PIP5K1B: variants seen among roughly 807,000 people sequenced by gnomAD.
PIP5K1B encodes the protein phosphatidylinositol 4-phosphate 5-kinase type-1 beta.
PIP5K1B carries 42 observed loss-of-function variants against 67.0 expected under a neutral mutation model. The ratio of observed to expected loss-of-function variants is 0.63; its 90% confidence interval spans 0.49 to 0.81. The LOEUF is 0.81. Among genes scored for constraint, PIP5K1B ranks in the 30% least tolerant of loss-of-function variants. The pLI, the probability that PIP5K1B is intolerant of heterozygous loss-of-function variation, is 0.00. For missense variants in PIP5K1B, 459 were observed against 646.3 expected (o/e 0.71, Z 3.14); for synonymous variants, 214 against 231.4 (o/e 0.92, Z 0.68).
At chr9:68,784,185 AT>A (rs1304422828) in intron 2 of PIP5K1B, 4 of 167,096 alleles carry the variant, frequency 2.4e-5, no homozygotes, top group African/African-American at 9.7e-5. Context: ...CATAACGTCC[AT>A]CATTATTCTG....
chr9:69,007,420 G>A (rs185664759), intron 15 of PIP5K1B, among the ~76,000 whole-genome samples: 21 of 152,162 alleles, frequency 1.4e-4, no homozygotes, highest in Admixed American at 9.2e-4. Flanking sequence ...TGTGTATATC[G>A]TGTGTGTGTA....
At chr9:68,846,961 G>A (rs7037674) in intron 4 of PIP5K1B, among the ~76,000 whole-genome samples, 11,890 of 152,186 alleles carry the variant, frequency 0.078, 1,026 homozygotes, top group African/African-American at 0.21. Flanking sequence ...GAAAAAAACT[G>A]CAGGACCAAA....
At chr9:68,860,204 C>T (rs1235857932) in intron 4 of PIP5K1B, among the ~76,000 whole-genome samples, 1 of 152,094 alleles carries the variant, frequency 6.6e-6, no homozygotes, top group African/African-American at 2.4e-5. Context: ...GCCCCCAGCC[C>T]CCAACCAGCC....
intron 13 of PIP5K1B, among the ~76,000 whole-genome samples, chr9:68,939,795 G>A (rs977159747): frequency 1.3e-5 from 2 of 152,132 alleles, no homozygotes; most frequent in Non-Finnish European, 2.9e-5. Flanking sequence ...GTTAGGGTCG[G>A]TTTATATTTA....
rs201517701 is a variant in PIP5K1B, at chr9:68,992,839, C to CAAAAAAAA, written c.1620+1607_1620+1614dup. Among the ~76,000 whole-genome samples the CAAAAAAAA allele has an allele frequency of 5.2e-4, 30 of 57,578 alleles. 3 individuals carry two copies. The highest frequency in any genetic ancestry group is 1.3e-3 in the South Asian group (2 of 1,576). The allele number at this position is 57,578 out of a possible 152,430, so 37.8% of individuals were successfully genotyped here. On this transcript the variant is annotated intron_variant, in intron 15 of 15. Coordinates refer to ENST00000265382, the MANE Select transcript of PIP5K1B (RefSeq NM_003558.4). Reference sequence around the variant, plus strand: ...TAGGCAACAGAGCATGACCCTGTCTCAAAAAAAAAAAAAAAAAAAAAAAAA... The same window carrying CAAAAAAAA: ...TAGGCAACAGAGCATGACCCTGTCTCAAAAAAAAAAAAAAAAAAAAAAAAAAAAAAAAA...
chr9:68,875,326 A>AAAAAAAAAAAT (rs1823833916), intron 5 of PIP5K1B, among the ~76,000 whole-genome samples: 1 of 116,390 alleles, frequency 8.6e-6, no homozygotes, highest in African/African-American at 3.2e-5. Context: ...AAAAAAAAAA[A>AAAAAAAAAAAT]CAGTCATCTG....
At chr9:68,982,224 C>G (rs1004473216) in intron 14 of PIP5K1B, among the ~76,000 whole-genome samples, 1 of 152,188 alleles carries the variant, frequency 6.6e-6, no homozygotes, top group African/African-American at 2.4e-5. Flanking sequence ...ACTAGATTTT[C>G]AGGATATTCC....
Position 68,817,758 on chromosome 9 carries a change from G to A in PIP5K1B, c.-85-703G>A, listed in dbSNP as rs184201007. On this transcript the variant is annotated intron_variant, in intron 2 of 15. Transcript: ENST00000265382. ...TTTTTAAGAGACAGAGTCTCACTAT[G>A]TTGCCCAGGCTGGTCTCAAATTCCT... is the stretch of plus-strand genomic sequence containing the variant. 9.8e-4 allele frequency among the ~76,000 whole-genome samples: 113 copies of A among 115,026 alleles called. 1 individual carries two copies. The highest frequency in any genetic ancestry group is 7.9e-4 in the Non-Finnish European group (47 of 59,872). The allele number at this position is 115,026 out of a possible 152,430, so 75.5% of individuals were successfully genotyped here. A position where few individuals can be genotyped will look rare whatever the true frequency, so the allele number is the denominator to read the frequency against.
At chr9:68,963,628 G>T (rs1407268744) in intron 14 of PIP5K1B, among the ~76,000 whole-genome samples, 1 of 152,142 alleles carries the variant, frequency 6.6e-6, no homozygotes, top group Admixed American at 6.5e-5. Context: ...CACGTTTGAT[G>T]TCCCTGCCAA....
At chr9:68,786,471 A>T (rs1035381295) in intron 2 of PIP5K1B, among the ~76,000 whole-genome samples, 4 of 122,618 alleles carry the variant, frequency 3.3e-5, no homozygotes, top group Non-Finnish European at 6.7e-5. Flanking sequence ...TTTTATTATT[A>T]TTATTATAAA....
intron 4 of PIP5K1B, among the ~76,000 whole-genome samples, chr9:68,840,700 C>T (rs1472655932): frequency 1.3e-5 from 2 of 152,206 alleles, no homozygotes; most frequent in Admixed American, 1.3e-4. Flanking sequence ...TCCTTTGCCT[C>T]TTCTTTTTTT....
intron 1 of PIP5K1B, among the ~76,000 whole-genome samples, chr9:68,706,570 G>A (rs1034700927): frequency 6.6e-6 from 1 of 152,162 alleles, no homozygotes; most frequent in East Asian, 1.9e-4. Flanking sequence ...CGAATCTACT[G>A]AAATCAGGGC....
chr9:68,943,875 A>G (rs896479540), intron 14 of PIP5K1B, among the ~76,000 whole-genome samples: 1 of 152,230 alleles, frequency 6.6e-6, no homozygotes, highest in Non-Finnish European at 1.5e-5. Context: ...TAAGTTGGCA[A>G]GGTATTGATT....
intron 15 of PIP5K1B, among the ~76,000 whole-genome samples, chr9:69,001,337 C>G (rs547625202): frequency 2.1e-3 from 321 of 152,184 alleles, no homozygotes; most frequent in African/African-American, 7.3e-3. Flanking sequence ...GAAACCAGTA[C>G]CATATTCCTC....
At chr9:68,780,017 G>A in intron 2 of PIP5K1B, 1 of 1,073,114 alleles carries the variant, frequency 9.3e-7, no homozygotes, top group Non-Finnish European at 1.2e-6. Context: ...GACATCGCGA[G>A]CGCCTGCGCG....
chr9:68,767,664 G>A (rs1212141900), intron 2 of PIP5K1B, among the ~76,000 whole-genome samples: 1 of 151,142 alleles, frequency 6.6e-6, no homozygotes, highest in Non-Finnish European at 1.5e-5. Flanking sequence ...GATCAAGTAG[G>A]TACATCACAA....
chr9:68,768,452 A>C, intron 2 of PIP5K1B, among the ~76,000 whole-genome samples: 1 of 152,198 alleles, frequency 6.6e-6, no homozygotes, highest in South Asian at 2.1e-4. Flanking sequence ...AAAGGACTTT[A>C]TGGAGCAGTG....
chr9:68,854,131 T>C (rs925868185), intron 4 of PIP5K1B, among the ~76,000 whole-genome samples: 2 of 147,150 alleles, frequency 1.4e-5, no homozygotes, highest in African/African-American at 5.0e-5. Flanking sequence ...AGAAAACTTT[T>C]TTTTTTTTTT....
intron 3 of PIP5K1B, among the ~76,000 whole-genome samples, chr9:68,819,571 C>T (rs769058980): frequency 1.5e-4 from 23 of 152,176 alleles, no homozygotes; most frequent in African/African-American, 1.9e-4. Flanking sequence ...CAATGCCCAA[C>T]GTAATTATAT....
Sources: gnomAD v4.1 joint callset for allele counts (sites outside exome capture counted in the v4.1 genomes callset) on GRCh38, gnomAD v4.1.1 for gene constraint, MANE v1.5 for transcripts, NCBI Gene and HGNC (gene_info 2026-07-23, HGNC 2026-07-21) for gene names.